SLC39A10: variants seen among roughly 807,000 people sequenced by gnomAD.
SLC39A10 encodes solute carrier family 39 member 10, also known as zinc transporter ZIP10.
SLC39A10 carries 13 observed loss-of-function variants against 65.1 expected under a neutral mutation model. The ratio of observed to expected loss-of-function variants is 0.20; its 90% CI spans 0.13 to 0.32. The LOEUF is 0.32. SLC39A10 is among the 10% of genes least tolerant of loss of function. The pLI, the probability that SLC39A10 is intolerant of heterozygous loss-of-function variation, is 1.00. For missense variants in SLC39A10, 831 were observed against 1,018.4 expected, an observed-to-expected ratio of 0.82 and a Z score of 2.50; for synonymous variants, 321 against 342.2, an observed-to-expected ratio of 0.94 and a Z score of 0.68.
At chr2:195,652,914 A>C (rs528290857), upstream of SLC39A10, among the ~76,000 whole-genome samples, 6 of 152,266 alleles carry the variant, frequency 3.9e-5, no homozygotes, top group South Asian at 1.0e-3. Context: ...CACAAACCCT[A>C]TTGTGAACTG....
chr2:195,691,078 CA>C (rs1480524319), intron 3 of SLC39A10, among the ~76,000 whole-genome samples: 1 of 152,130 alleles, frequency 6.6e-6, no homozygotes, highest in Non-Finnish European at 1.5e-5. Context: ...GCTTAGCTCC[CA>C]ATTATAAGTG....
intron 8 of SLC39A10, among the ~76,000 whole-genome samples, chr2:195,722,972 T>C (rs945917831): frequency 6.6e-6 from 1 of 152,222 alleles, no homozygotes; most frequent in Non-Finnish European, 1.5e-5. Context: ...AGACACAGAA[T>C]TGAAAACAAG....
At chr2:195,672,400 C>T (rs1158221974) in intron 1 of SLC39A10, among the ~76,000 whole-genome samples, 1 of 152,012 alleles carries the variant, frequency 6.6e-6, no homozygotes, top group Non-Finnish European at 1.5e-5. Flanking sequence ...ACTAAAGTGC[C>T]AGGATTACAG....
rs111590720 is a variant in SLC39A10 at position 195,692,803 on chromosome 2, A to G, written c.1216+8897A>G. On this transcript the variant is annotated intron_variant, in intron 3 of 9. Transcript: ENST00000359634. ...TGACAGTTTGACTTCCTCTTTACCA[A>G]TTTGGGTGCCCTTGATTTCTTTCCC... Among the ~76,000 whole-genome samples, 432 of 152,212 alleles carry G rather than the reference A, an allele frequency of 2.8e-3. 1 individual carries two copies. Among genetic ancestry groups the G allele is most frequent in the African/African-American group, 0.01 (424 of 41,532 alleles).
At chr2:195,653,531 G>A (rs1267193772), upstream of SLC39A10, among the ~76,000 whole-genome samples, 1 of 152,116 alleles carries the variant, frequency 6.6e-6, no homozygotes, top group Non-Finnish European at 1.5e-5. Context: ...CTGACCTCAG[G>A]TGATCCACCC....
rs4850637 is a variant in SLC39A10, at chr2:195,708,434, T to C, written c.1387-222T>C. ...GTATGTATCTTATTCTTATAGCATT[T>C]GACTTGGTGTCTTTGAGTTACTGTA... On this transcript the variant is annotated intron_variant, in intron 4 of 9. Transcript: ENST00000359634. Among the ~76,000 whole-genome samples, 2,900 of 152,306 alleles carry C rather than the reference T, an allele frequency of 0.019. 230 individuals carry two copies. In the East Asian group the frequency reaches 0.26, roughly 14 times the overall value.
At chr2:195,637,752 G>A (rs566082894) in intron 2 of SLC39A10, among the ~76,000 whole-genome samples, 7 of 152,326 alleles carry the variant, frequency 4.6e-5, no homozygotes, top group African/African-American at 1.7e-4. Flanking sequence ...CTGAAGGTCT[G>A]CGTAGGTAGA....
In SLC39A10 at chr2:195,736,756, A is replaced by ATAAT. The variant is rs543744667; in HGVS notation, c.*1721_*1724dup. The ATAAT allele has an allele frequency of 7.2e-5, 11 of 152,584 alleles. No homozygotes were observed. The highest frequency in any genetic ancestry group is 1.0e-4 in the Non-Finnish European group (7 of 68,028). 9.5% of individuals were successfully genotyped at this position (152,584 alleles called of 1,614,324 possible). ...CTTATAATAAGTAGAAGTTTTATAT[A>ATAAT]TAATTAATTTTCAGCATTGGGCACT... On this transcript the variant is annotated 3_prime_UTR_variant, in exon 10 of 10. Transcript: ENST00000359634.
rs1157434768 is a variant in SLC39A10 at position 195,735,993 on chromosome 2, C to T, written c.*952C>T. 1.3e-5 allele frequency: 2 copies of T among 152,364 alleles called. No homozygotes were observed. The highest frequency in any genetic ancestry group is 6.6e-5 in the Admixed American group (1 of 15,260). The allele number at this position is 152,364 out of a possible 1,614,324, so 9.4% of individuals were successfully genotyped here. ...AGTTCTGAATGTTCACATTGCTTTA[C>T]CAGTTTGGCACTGGAACCAAGAGCA... is the stretch of plus-strand genomic sequence containing the variant. On this transcript the variant is annotated 3_prime_UTR_variant, in exon 10 of 10. Transcript: ENST00000359634.
At chr2:195,661,761 G>A (rs954191051) in intron 1 of SLC39A10, among the ~76,000 whole-genome samples, 6 of 152,144 alleles carry the variant, frequency 3.9e-5, no homozygotes, top group Admixed American at 3.9e-4. Flanking sequence ...TGTTAGAATA[G>A]GATGCTACTG....
chr2:195,628,056 T>C (rs1317128302), intron 2 of SLC39A10, among the ~76,000 whole-genome samples: 4 of 152,020 alleles, frequency 2.6e-5, no homozygotes, highest in Admixed American at 1.3e-4. Context: ...TTAAAACATG[T>C]AAGTAACTAC....
At position 195,683,841 on chromosome 2, in the gene SLC39A10, T is replaced by C. The variant is rs1490610692; in HGVS notation, c.1151T>C (p.Leu384Ser). 3 of 1,613,360 alleles carry C rather than the reference T, an allele frequency of 1.9e-6. No homozygotes were observed. Among genetic ancestry groups the C allele is most frequent in the South Asian group, 1.1e-5 (1 of 91,058 alleles). Residue 384 changes from leucine (L) to serine (S), a missense_variant, in exon 3 of 10, where the codon TTA becomes TCA. This residue lies in a region of SLC39A10 where 446 missense variants were observed against 499.2 expected (regional missense o/e 0.89). Transcript: ENST00000359634. ...TGTATTGAGCATTTTGACAAACTTT[T>C]AGTTGAAGATATAAATAAGGATAAA... ...RLCIEHFDKLLVEDINKDKNL... is the reference protein window; with the variant it reads ...RLCIEHFDKLSVEDINKDKNL...
At chr2:195,677,533 C>T (rs926716257) in intron 1 of SLC39A10, among the ~76,000 whole-genome samples, 2 of 114,578 alleles carry the variant, frequency 1.7e-5, no homozygotes, top group Admixed American at 1.6e-4. Context: ...CATCCTGTCT[C>T]AAAAACAAAC....
chr2:195,683,547 T>C (rs1194148642), intron 2 of SLC39A10, 152 bp from the exon 3 acceptor site: 2 of 611,916 alleles, frequency 3.3e-6, no homozygotes, highest in Non-Finnish European at 5.5e-6. Context: ...TATTACAAAT[T>C]CTTATTAAAA....
At chr2:195,644,263 G>A (rs188148041) in intron 2 of SLC39A10, among the ~76,000 whole-genome samples, 68 of 151,500 alleles carry the variant, frequency 4.5e-4, no homozygotes, top group African/African-American at 1.6e-3. Context: ...TTGGGAGGCC[G>A]AAGTGGGAGG....
At chr2:195,662,654 A>G (rs182430322) in intron 1 of SLC39A10, among the ~76,000 whole-genome samples, 34 of 152,244 alleles carry the variant, frequency 2.2e-4, no homozygotes, top group African/African-American at 7.9e-4. Flanking sequence ...GCTTTTTTCT[A>G]AATTCACTTT....
chr2:195,640,178 A>G (rs967682065), intron 2 of SLC39A10, among the ~76,000 whole-genome samples: 2 of 152,170 alleles, frequency 1.3e-5, no homozygotes, highest in Non-Finnish European at 2.9e-5. Flanking sequence ...TGAGAAGTAA[A>G]TAAGTGTTGA....
chr2:195,664,749 A>T (rs114439632), intron 1 of SLC39A10, among the ~76,000 whole-genome samples: 3 of 152,202 alleles, frequency 2.0e-5, no homozygotes, highest in Non-Finnish European at 2.9e-5. Flanking sequence ...CTAGAAATCA[A>T]TTTGGAAAGT....
chr2:195,627,160 G>A (rs956214705), intron 2 of SLC39A10, among the ~76,000 whole-genome samples: 3 of 152,230 alleles, frequency 2.0e-5, no homozygotes, highest in South Asian at 4.1e-4. Flanking sequence ...CCAGAGATAT[G>A]CAAGTTCTAA....
Sources: gnomAD v4.1 joint callset for allele counts (sites outside exome capture counted in the v4.1 genomes callset) on GRCh38, gnomAD v4.1.1 for gene constraint, gnomAD v4.1.1 regional missense constraint, MANE v1.5 for transcripts, NCBI Gene and HGNC (gene_info 2026-07-23, HGNC 2026-07-21) for gene names.